Variants in COPS5 observed in about 807,000 individuals in gnomAD.
The protein encoded by COPS5 is COP9 signalosome subunit 5.
COPS5 carries 8 observed loss-of-function variants against 44.4 expected under a neutral mutation model. That is an observed-to-expected ratio of 0.18 (90% CI 0.11 to 0.32). The LOEUF is 0.32. Ranked by LOEUF, COPS5 falls within the 10% of genes least tolerant of loss-of-function variation. COPS5 has a pLI of 1.00. For missense variants in COPS5, 159 were observed against 406.4 expected, an observed-to-expected ratio of 0.39 and a Z score of 5.23; for synonymous variants, 122 against 142.8, an observed-to-expected ratio of 0.85 and a Z score of 1.04.
chr8:67,050,024 G>A (rs1303542241), intron 6 of COPS5, among the ~76,000 whole-genome samples: 5 of 141,124 alleles, frequency 3.5e-5, no homozygotes, highest in Admixed American at 1.4e-4. Context: ...TTTTTGAGAC[G>A]GAGTCTCACT....
chr8:67,051,223 T>C lies in COPS5; in HGVS notation c.771+7A>G, dbSNP rs367888298. ...TCAAATGCATTCTTTACAAGTATAG[T>C]ACTTACAGTAAGCAAGCTAGAAGAA... On this transcript the variant is annotated splice_region_variant and intron_variant, in intron 6 of 7. Coordinates refer to ENST00000357849, the MANE Select transcript of COPS5 (RefSeq NM_006837.3). The C allele has an allele frequency of 6.7e-6, 10 of 1,484,860 alleles. No homozygotes were observed. The highest frequency in any genetic ancestry group is 9.4e-6 in the Non-Finnish European group (10 of 1,063,704). 92.0% of individuals were successfully genotyped at this position (1,484,860 alleles called of 1,614,324 possible).
chr8:67,054,625 C>G (rs1210839928), intron 5 of COPS5, among the ~76,000 whole-genome samples: 1 of 151,952 alleles, frequency 6.6e-6, no homozygotes, highest in Non-Finnish European at 1.5e-5. Flanking sequence ...TATTGAAAAC[C>G]ACATATATTT....
chr8:67,052,699 C>T (rs562499334), intron 5 of COPS5, among the ~76,000 whole-genome samples: 37 of 151,216 alleles, frequency 2.4e-4, no homozygotes, highest in African/African-American at 9.0e-4. Context: ...AGCCACAGTG[C>T]TCGGCCAAAC....
In COPS5 at chr8:67,051,222, G is replaced by C; in HGVS notation, c.771+8C>G. The C allele has an allele frequency of 6.8e-7, 1 of 1,470,646 alleles. No individual in the cohort carries two copies. Among genetic ancestry groups the C allele is most frequent in the Non-Finnish European group, 9.5e-7 (1 of 1,050,618 alleles). 91.1% of individuals were successfully genotyped at this position (1,470,646 alleles called of 1,614,324 possible). ...TTCAAATGCATTCTTTACAAGTATA[G>C]TACTTACAGTAAGCAAGCTAGAAGA... On this transcript the variant is annotated splice_region_variant and intron_variant, in intron 6 of 7. Transcript: ENST00000357849.
At chr8:67,052,715 G>A (rs1192379023) in intron 5 of COPS5, among the ~76,000 whole-genome samples, 1 of 151,270 alleles carries the variant, frequency 6.6e-6, no homozygotes, top group Non-Finnish European at 1.5e-5. Flanking sequence ...CAAACTTTGG[G>A]AGACGGAGGC....
intron 5 of COPS5, among the ~76,000 whole-genome samples, chr8:67,053,350 A>C (rs1168550834): frequency 6.7e-6 from 1 of 150,196 alleles, no homozygotes; most frequent in Non-Finnish European, 1.5e-5. Flanking sequence ...TCAGACTCCC[A>C]AAGTGCAAAA....
In COPS5 at chr8:67,061,962, G is replaced by A. The variant is rs1585721541; in HGVS notation, c.35C>T (p.Thr12Ile). 1 of 1,614,240 alleles carries A rather than the reference G, an allele frequency of 6.2e-7. No homozygotes were observed. The highest frequency in any genetic ancestry group is 1.7e-5 in the Admixed American group (1 of 60,028). Residue 12 changes from threonine to isoleucine, a missense_variant, in exon 1 of 8, where the codon ACC (threonine) becomes ATC (isoleucine). Physicochemically the swap from Thr to Ile is moderately conservative, Grantham distance 89. This residue lies in a region of COPS5 where 25 missense variants were observed against 29.7 expected (regional missense o/e 0.84). Coordinates refer to ENST00000357849, the MANE Select transcript of COPS5 (RefSeq NM_006837.3). ...CTGCATGTTGTTGGCCAGTTCCCAG[G>A]TTTTCTGGGCCATACCGCTCCCGGA... ...AASGSGMAQK[T>I]WELANNMQEA...
intron 7 of COPS5, chr8:67,043,573 G>A (rs562636943): frequency 3.7e-6 from 1 of 273,122 alleles, no homozygotes; most frequent in South Asian, 1.3e-4. Flanking sequence ...TTTAGAAGGT[G>A]AGTAAAATTA....
chr8:67,048,573 G>A (rs113188049), intron 6 of COPS5, among the ~76,000 whole-genome samples: 5,310 of 151,422 alleles, frequency 0.035, 195 homozygotes, highest in African/African-American at 0.08. Flanking sequence ...AAAATTAGCC[G>A]GGCGTGGTGG....
intron 5 of COPS5, among the ~76,000 whole-genome samples, chr8:67,055,638 CGG>C (rs1804491209): frequency 6.6e-6 from 1 of 152,038 alleles, no homozygotes; most frequent in South Asian, 2.1e-4. Context: ...GAGGCCGAGG[CGG>C]GTGGATCACG....
rs781539353 is a variant in COPS5, at chr8:67,051,136, G to C, written c.771+94C>G. ...TAGCCCTGGTGTCTTGGCCAAGTCA[G>C]GTATAGCCTTTCTGTGAAACAGTGT... On this transcript the variant is annotated intron_variant, in intron 6 of 7. Coordinates refer to ENST00000357849, the MANE Select transcript of COPS5 (RefSeq NM_006837.3). The C allele has an allele frequency of 1.2e-5, 10 of 866,588 alleles. No homozygotes were observed. In the Admixed American group the frequency reaches 1.9e-4, roughly 16 times the overall value. 53.7% of individuals were successfully genotyped at this position (866,588 alleles called of 1,614,324 possible).
chr8:67,046,307 C>T (rs1349250805), intron 6 of COPS5, among the ~76,000 whole-genome samples: 1 of 152,094 alleles, frequency 6.6e-6, no homozygotes, highest in African/African-American at 2.4e-5. Flanking sequence ...TAGTTGAAGG[C>T]CTGAGGTATG....
At chr8:67,050,182 T>C (rs1323112402) in intron 6 of COPS5, among the ~76,000 whole-genome samples, 4 of 152,142 alleles carry the variant, frequency 2.6e-5, no homozygotes, top group African/African-American at 9.7e-5. Context: ...TTTGTATTTT[T>C]AGTAGAGACG....
At chr8:67,048,023 C>T (rs1816720913) in intron 6 of COPS5, among the ~76,000 whole-genome samples, 1 of 152,190 alleles carries the variant, frequency 6.6e-6, no homozygotes. Context: ...TGCCTGTAAT[C>T]CCAGCACTTT....
At position 67,059,258 on chromosome 8, in the gene COPS5, C is replaced by A. The variant is rs760643887; in HGVS notation, c.331G>T (p.Ala111Ser). 1.2e-6 allele frequency: 2 copies of A among 1,614,192 alleles called. No homozygotes were observed. Among genetic ancestry groups the A allele is most frequent in the Non-Finnish European group, 1.7e-6 (2 of 1,180,024 alleles). The stretch of plus-strand genomic sequence containing the variant: ...GCAGCCATGTATTCATATGCAGCAG[C>A]CTGAGCATTTACTCGGGTTTCAGTG... ...EGTETRVNAQAAAYEYMAAYI... is the reference protein window; with the variant it reads ...EGTETRVNAQSAAYEYMAAYI... Residue 111 changes from alanine to serine, a missense_variant, in exon 2 of 8, where the codon GCT becomes TCT. By Grantham distance (99) the Ala-to-Ser change is moderately conservative (BLOSUM62 1). Coordinates refer to ENST00000357849, the MANE Select transcript of COPS5 (RefSeq NM_006837.3).
At chr8:67,052,455 T>C (rs1170380996) in intron 5 of COPS5, among the ~76,000 whole-genome samples, 1 of 149,958 alleles carries the variant, frequency 6.7e-6, no homozygotes, top group Non-Finnish European at 1.5e-5. Flanking sequence ...TCTTGCTTGG[T>C]CACCCAGGCT....
At chr8:67,052,239 T>C (rs1258265465) in intron 5 of COPS5, among the ~76,000 whole-genome samples, 1 of 152,000 alleles carries the variant, frequency 6.6e-6, no homozygotes. Context: ...GGTATGGATA[T>C]GTGGAGAGCA....
intron 6 of COPS5, among the ~76,000 whole-genome samples, chr8:67,048,588 C>T (rs533422464): frequency 3.6e-4 from 55 of 151,788 alleles, no homozygotes; most frequent in Non-Finnish European, 6.2e-4. Context: ...TGGTGGCACG[C>T]ACCTGTAATC....
At chr8:67,049,906 T>C (rs1165275936) in intron 6 of COPS5, among the ~76,000 whole-genome samples, 1 of 152,190 alleles carries the variant, frequency 6.6e-6, no homozygotes. Flanking sequence ...AAAAAATTGT[T>C]CCTAAGTTCT....
Sources: gnomAD v4.1 joint callset for allele counts (sites outside exome capture counted in the v4.1 genomes callset) on GRCh38, gnomAD v4.1.1 for gene constraint, gnomAD v4.1.1 regional missense constraint, MANE v1.5 for transcripts, NCBI Gene and HGNC (gene_info 2026-07-23, HGNC 2026-07-21) for gene names.